The following FAT4 variants were observed in gnomAD, a reference collection of about 807,000 sequenced individuals.
FAT4 encodes FAT atypical cadherin 4, also known as protocadherin Fat 4.
Under a neutral mutation model 303.9 loss-of-function variants are expected in FAT4, and 84 were observed. The observed-to-expected ratio is 0.28, with a 90% CI of 0.23 to 0.33. The LOEUF (loss-of-function observed/expected upper bound fraction) is 0.33, where lower values mean the gene tolerates loss of function less well. Among genes scored for constraint, FAT4 ranks in the 10% least tolerant of loss-of-function variants. The pLI is 1.00. For synonymous variants in FAT4, 2,307 were observed against 2,298.8 expected (o/e 1.00, Z -0.10); for missense variants, 6,005 against 6,146.8 (o/e 0.98, Z 0.77).
intron 8 of FAT4, among the ~76,000 whole-genome samples, chr4:125,436,379 CT>C (rs1438391879): frequency 6.6e-6 from 1 of 151,980 alleles, no homozygotes; most frequent in East Asian, 1.9e-4. Context: ...TTTCAAATGA[CT>C]GTTACTCATT....
chr4:125,316,978 C>T lies in FAT4; in HGVS notation c.567C>T (p.Ile189=). The change falls in exon 2 of 18, where the codon ATC becomes ATT. Residue 189 remains isoleucine, a synonymous_variant. Transcript: ENST00000394329. The surrounding 1 kb of genome is among the most constrained non-coding windows in gnomAD (Gnocchi z 5.7). ...AGGCGGGGCGCTTCCGTCTGGACAT[C>T]ACCCTGAACCCGAGCGGCGAGGGAG... ...GNEAGRFRLD[I]TLNPSGEGAF... 6.2e-7 allele frequency: 1 copy of T among 1,614,010 alleles called. No individual in the cohort carries two copies. Among genetic ancestry groups the T allele is most frequent in the Non-Finnish European group, 8.5e-7 (1 of 1,180,034 alleles).
At chr4:125,397,574 C>T (rs1051577219) in intron 2 of FAT4, among the ~76,000 whole-genome samples, 9 of 152,144 alleles carry the variant, frequency 5.9e-5, no homozygotes, top group Non-Finnish European at 2.9e-5. Flanking sequence ...TTTTATGATC[C>T]ACTCTTCTAC....
chr4:125,372,215 A>C (rs1733142687), intron 2 of FAT4, among the ~76,000 whole-genome samples: 1 of 151,996 alleles, frequency 6.6e-6, no homozygotes, highest in African/African-American at 2.4e-5. Context: ...AAGGAAAATT[A>C]TCCAGCTGTG....
chr4:125,343,413 A>G (rs1346125512), intron 2 of FAT4, among the ~76,000 whole-genome samples: 1 of 152,078 alleles, frequency 6.6e-6, no homozygotes, highest in Non-Finnish European at 1.5e-5. Context: ...CCTCCTGTGC[A>G]TGTTACCAGC....
At chr4:125,355,416 G>A (rs1182181321) in intron 2 of FAT4, among the ~76,000 whole-genome samples, 2 of 151,900 alleles carry the variant, frequency 1.3e-5, no homozygotes, top group African/African-American at 4.8e-5. Flanking sequence ...AATGCATGTA[G>A]GTAAATGGAA....
rs537387726 is a variant in FAT4 at position 125,394,465 on chromosome 4, T to C, written c.5176-4319T>C. Reference sequence around the variant, plus strand: ...TTTGTCCTTTAATTTTTACAACATATGCTTTTTTAGTTTAGAAATAATATT... The same window carrying C: ...TTTGTCCTTTAATTTTTACAACATACGCTTTTTTAGTTTAGAAATAATATT... On this transcript the variant is annotated intron_variant, in intron 2 of 17. Transcript: ENST00000394329. Among the ~76,000 whole-genome samples, 7 of 152,290 alleles carry C rather than the reference T, an allele frequency of 4.6e-5. No homozygotes were observed. The East Asian group carries it at 9.6e-4, about 21-fold the overall frequency.
chr4:125,449,394 G>T lies in FAT4; in HGVS notation c.8384G>T (p.Arg2795Leu), dbSNP rs150894990. 6.2e-7 allele frequency: 1 copy of T among 1,613,624 alleles called. No homozygotes were observed. Among genetic ancestry groups the T allele is most frequent in the Admixed American group, 1.7e-5 (1 of 59,958 alleles). The change falls in exon 10 of 18, where the codon CGT (arginine) becomes CTT (leucine). Residue 2795 changes from arginine to leucine, a missense_variant. Transcript: ENST00000394329. The part of the protein sequence containing the change: ...ENSPLGYTVT[R>L]VTTSDEDIGI... ...TCCCCCTTAGGATACACAGTTACCCGTGTCACAACTTCTGATGAAGACATT... is the reference window on the plus strand; with the variant it reads ...TCCCCCTTAGGATACACAGTTACCCTTGTCACAACTTCTGATGAAGACATT...
intron 8 of FAT4, among the ~76,000 whole-genome samples, chr4:125,443,395 G>A (rs138424425): frequency 3.0e-3 from 452 of 152,168 alleles, no homozygotes; most frequent in Middle Eastern, 0.014. Flanking sequence ...TACATTTTCC[G>A]TCTTCACTAC....
At chr4:125,373,926 G>C in intron 2 of FAT4, among the ~76,000 whole-genome samples, 1 of 138,186 alleles carries the variant, frequency 7.2e-6, no homozygotes, top group Non-Finnish European at 1.5e-5. Flanking sequence ...AAAATAATAA[G>C]GACTATGTAT....
Position 125,414,963 on chromosome 4 carries a change from C to G in FAT4, c.6000C>G (p.Leu2000=), listed in dbSNP as rs765803181. The stretch of plus-strand genomic sequence containing the variant: ...TTACTGTTGACAAGAATGGTGTACT[C>G]AAAGTCCTAAAAGCTTTGGATCGGG... ...GQFTVDKNGV[L]KVLKALDRES... is the part of the protein sequence containing the mutation. The change falls in exon 6 of 18, where the codon CTC becomes CTG. Residue 2000 remains leucine (L), a synonymous_variant. Transcript: ENST00000394329. The G allele has an allele frequency of 6.2e-7, 1 of 1,613,900 alleles. No individual in the cohort carries two copies. Among genetic ancestry groups the G allele is most frequent in the East Asian group, 2.2e-5 (1 of 44,860 alleles).
chr4:125,427,512 T>G (rs1222874532), intron 7 of FAT4, among the ~76,000 whole-genome samples: 1 of 151,972 alleles, frequency 6.6e-6, no homozygotes, highest in African/African-American at 2.4e-5. Flanking sequence ...AAACAGAATT[T>G]TTAAAATACA....
intron 2 of FAT4, among the ~76,000 whole-genome samples, chr4:125,381,547 A>G (rs1006649338): frequency 4.6e-5 from 7 of 152,192 alleles, no homozygotes; most frequent in Admixed American, 4.6e-4. Context: ...AAAATACTTT[A>G]TGCTAATACA....
intron 2 of FAT4, among the ~76,000 whole-genome samples, chr4:125,354,205 G>T (rs1338224054): frequency 6.6e-6 from 1 of 151,544 alleles, no homozygotes; most frequent in Non-Finnish European, 1.5e-5. Context: ...TAATAAATGG[G>T]CAAATAACTT....
intron 10 of FAT4, 72 bp from the exon 11 acceptor site, chr4:125,463,491 A>G: frequency 1.2e-6 from 1 of 806,848 alleles, no homozygotes; most frequent in Non-Finnish European, 1.9e-6. Context: ...ATTTTTACGT[A>G]TGGTAATGGT....
In FAT4 at chr4:125,315,967, C is replaced by T. The variant is rs111940321; in HGVS notation, c.-23C>T. On this transcript the variant is annotated 5_prime_UTR_variant, in exon 1 of 18. Coordinates refer to ENST00000394329, the MANE Select transcript of FAT4 (RefSeq NM_001291303.3). ...ACGTTTGTTCCTCCCTCTTCACGTT[C>T]TTCGCTGCGGGTAAGTTCTAAAGTT... Among the ~76,000 whole-genome samples the T allele has an allele frequency of 0.013, 1,980 of 152,342 alleles. 52 individuals are homozygous for T. Among genetic ancestry groups the T allele is most frequent in the African/African-American group, 0.045 (1,876 of 41,584 alleles).
intron 3 of FAT4, among the ~76,000 whole-genome samples, chr4:125,399,495 G>T (rs1734303815): frequency 6.6e-6 from 1 of 151,872 alleles, no homozygotes; most frequent in African/African-American, 2.4e-5. Context: ...TTAAGGAAGA[G>T]AAGTAACTTT....
Position 125,452,508 on chromosome 4 carries a change from A to C in FAT4, c.11498A>C (p.Glu3833Ala). The C allele has an allele frequency of 6.2e-7, 1 of 1,614,096 alleles. No homozygotes were observed. Among genetic ancestry groups the C allele is most frequent in the Non-Finnish European group, 8.5e-7 (1 of 1,180,026 alleles). The change falls in exon 10 of 18, where the codon GAG (glutamate) becomes GCG (alanine). Residue 3833 changes from glutamate (E) to alanine (A), a missense_variant. Transcript: ENST00000394329. ...GTGAGCTCCGTATTAAAAAGCCGTG[A>C]GAGTCTTCCAGTCATCATCGTGGCA... ...LAVSSVLKSR[E>A]SLPVIIVANE...
chr4:125,399,842 T>G (rs775131674), intron 3 of FAT4, among the ~76,000 whole-genome samples: 4 of 152,044 alleles, frequency 2.6e-5, no homozygotes, highest in Non-Finnish European at 5.9e-5. Context: ...TAGTACATTC[T>G]ACTCAATTTT....
At chr4:125,359,135 C>G (rs1374149814) in intron 2 of FAT4, among the ~76,000 whole-genome samples, 2 of 152,084 alleles carry the variant, frequency 1.3e-5, no homozygotes, top group East Asian at 3.9e-4. Flanking sequence ...TCTAGTCTGG[C>G]ACATCATCAC....
Sources: gnomAD v4.1 joint callset for allele counts (sites outside exome capture counted in the v4.1 genomes callset) on GRCh38, gnomAD v4.1.1 for gene constraint, Gnocchi (gnomAD v3.1) non-coding constraint, MANE v1.5 for transcripts, NCBI Gene and HGNC (gene_info 2026-07-23, HGNC 2026-07-21) for gene names.